KIF13A: variants seen among roughly 807,000 people sequenced by gnomAD.
KIF13A encodes the protein kinesin-like protein KIF13A.
Under a neutral mutation model 212.2 loss-of-function variants are expected in KIF13A, and 79 were observed. That is an observed-to-expected ratio of 0.37 (90% confidence interval 0.31 to 0.45). KIF13A has a LOEUF of 0.45. Ranked by LOEUF, KIF13A falls within the 20% of genes least tolerant of loss-of-function variation. The probability of loss-of-function intolerance (pLI) is 1.00; values close to 1 mark genes in which losing one functional copy is unlikely to be tolerated. For synonymous variants in KIF13A, 789 were observed against 808.6 expected (o/e 0.98, Z 0.41); for missense variants, 1,901 against 2,209.0 (o/e 0.86, Z 2.79).
chr6:17,863,774 A>C (rs550508058), intron 4 of KIF13A, among the ~76,000 whole-genome samples: 111 of 152,146 alleles, frequency 7.3e-4, no homozygotes, highest in Non-Finnish European at 6.8e-4. Context: ...GTTTATCCAA[A>C]AGACCGAAGG....
intron 28 of KIF13A, among the ~76,000 whole-genome samples, chr6:17,784,159 C>T (rs559561954): frequency 1.3e-5 from 2 of 152,264 alleles, no homozygotes; most frequent in Non-Finnish European, 2.9e-5. Context: ...GTGGCTCATG[C>T]CTGTAATCCC....
chr6:17,974,129 T>A (rs1780060347), intron 2 of KIF13A, among the ~76,000 whole-genome samples: 1 of 152,196 alleles, frequency 6.6e-6, no homozygotes, highest in African/African-American at 2.4e-5. Flanking sequence ...TCACCCAAGC[T>A]GGAGTGCAAT....
At chr6:17,803,926 GCGGA>G (rs1167594904) in intron 20 of KIF13A, among the ~76,000 whole-genome samples, 2 of 152,224 alleles carry the variant, frequency 1.3e-5, no homozygotes, top group African/African-American at 4.8e-5. Flanking sequence ...GCCGAGGCGG[GCGGA>G]TCACAAGGTC....
chr6:17,799,869 G>A lies in KIF13A; in HGVS notation c.2616+83C>T. 1.3e-6 allele frequency: 2 copies of A among 1,492,580 alleles called. No individual in the cohort carries two copies. The highest frequency in any genetic ancestry group is 1.8e-6 in the Non-Finnish European group (2 of 1,095,334). The allele number at this position is 1,492,580 out of a possible 1,614,324, so 92.5% of individuals were successfully genotyped here. On this transcript the variant is annotated intron_variant, in intron 21 of 38. Coordinates refer to ENST00000259711, the MANE Select transcript of KIF13A (RefSeq NM_022113.6). The surrounding 1 kb of genome is among the most constrained non-coding windows in gnomAD (Gnocchi z 4.4). The stretch of plus-strand genomic sequence containing the variant: ...AAATCCAACTTTTACTACCCTGGAT[G>A]AAAAACTCTCATAAGATTTTTTGTA...
rs1249745410 is a variant in KIF13A, at chr6:17,900,892, C to T, written c.147-2712G>A. Reference sequence around the variant, plus strand: ...AGGGGATCGAGACCATCCTGGTTAACACGGTGAAACCCCGCCTCTACTAAA... The same window carrying T: ...AGGGGATCGAGACCATCCTGGTTAATACGGTGAAACCCCGCCTCTACTAAA... On this transcript the variant is annotated intron_variant, in intron 2 of 38. Coordinates refer to ENST00000259711, the MANE Select transcript of KIF13A (RefSeq NM_022113.6). This position sits in a 1 kb window ranked among gnomAD's most constrained non-coding sequence, Gnocchi z 4.6. Among the ~76,000 whole-genome samples, 3 of 151,900 alleles carry T rather than the reference C, an allele frequency of 2.0e-5. No homozygotes were observed. Among genetic ancestry groups the T allele is most frequent in the Admixed American group, 2.0e-4 (3 of 15,248 alleles).
chr6:17,817,195 A>G lies in KIF13A; in HGVS notation c.1825T>C (p.Tyr609His), dbSNP rs754754776. Reference sequence around the variant, plus strand: ...AGGGCACTTCTCTTTTCTTCTAGGTATTGTTTCTCCAGGACCTGAACCACA... The same window carrying G: ...AGGGCACTTCTCTTTTCTTCTAGGTGTTGTTTCTCCAGGACCTGAACCACA... ...QNVVQVLEKQYLEEKRSALEE... is the reference protein window; with the variant it reads ...QNVVQVLEKQHLEEKRSALEE... Residue 609 changes from tyrosine to histidine, a missense_variant, in exon 17 of 39, where the codon TAC becomes CAC. Tyr to His is a moderately conservative substitution (Grantham distance 83). Transcript: ENST00000259711. 1.2e-6 allele frequency: 2 copies of G among 1,613,984 alleles called. No homozygotes were observed. The highest frequency in any genetic ancestry group is 2.2e-5 in the South Asian group (2 of 91,088).
In KIF13A at chr6:17,838,814, TTTTG is replaced by T. The variant is rs572873563; in HGVS notation, c.831-1235_831-1232del. On this transcript the variant is annotated intron_variant, in intron 9 of 38. Transcript: ENST00000259711. The surrounding 1 kb of genome is among the most constrained non-coding windows in gnomAD (Gnocchi z 4.2). ...AGGGGAGAGGATGACGAGCTTATTTTTTTGTTTGTTTGTTTTTTGAGATGGAATC... is the reference window on the plus strand; with the variant it reads ...AGGGGAGAGGATGACGAGCTTATTTTTTTGTTTGTTTTTTGAGATGGAATC... Among the ~76,000 whole-genome samples, 5 of 151,990 alleles carry T rather than the reference TTTTG, an allele frequency of 3.3e-5. No homozygotes were observed. Among genetic ancestry groups the T allele is most frequent in the Non-Finnish European group, 5.9e-5 (4 of 67,992 alleles).
chr6:17,779,627 C>T lies in KIF13A; in HGVS notation c.3904G>A (p.Gly1302Ser). The change falls in exon 32 of 39, where the codon GGT (glycine) becomes AGT (serine). Residue 1302 changes from glycine (G) to serine (S), a missense_variant. Transcript: ENST00000259711. ...TTGGATACTATTTCATAGGTTACAC[C>T]ACAGGAATAAAATATATTTTTCAGG... ...ISLKNIFYSC[G>S]VTYEIVSNIP... 6.6e-7 allele frequency: 1 copy of T among 1,514,366 alleles called. No individual in the cohort carries two copies. Among genetic ancestry groups the T allele is most frequent in the South Asian group, 1.2e-5 (1 of 86,660 alleles). The allele number at this position is 1,514,366 out of a possible 1,614,324, so 93.8% of individuals were successfully genotyped here. A position where few individuals can be genotyped will look rare whatever the true frequency, so the allele number is the denominator to read the frequency against.
At chr6:17,972,059 C>T (rs553942934) in intron 2 of KIF13A, among the ~76,000 whole-genome samples, 31 of 152,272 alleles carry the variant, frequency 2.0e-4, no homozygotes, top group Admixed American at 2.0e-3. Context: ...TTCAAGGCTT[C>T]AAAAAACTTA....
At chr6:17,792,456 A>G (rs977756960) in intron 25 of KIF13A, among the ~76,000 whole-genome samples, 4 of 152,200 alleles carry the variant, frequency 2.6e-5, no homozygotes, top group Non-Finnish European at 5.9e-5. Flanking sequence ...AGCCAAGATA[A>G]CCATTTAGTA....
rs1760928490 is a variant in KIF13A at position 17,785,027 on chromosome 6, T to C, written c.3488+488A>G. ...GGATATGTTATAATAAAAATGAGAA[T>C]GAGAATAAGCAGCAGCAGCTAGGAT... is the stretch of plus-strand genomic sequence containing the variant. On this transcript the variant is annotated intron_variant, in intron 28 of 38. Transcript: ENST00000259711. The surrounding 1 kb of genome is among the most constrained non-coding windows in gnomAD (Gnocchi z 5.8). Among the ~76,000 whole-genome samples, 1 of 152,134 alleles carries C rather than the reference T, an allele frequency of 6.6e-6. No individual in the cohort carries two copies. The highest frequency in any genetic ancestry group is 1.5e-5 in the Non-Finnish European group (1 of 68,030).
intron 16 of KIF13A, chr6:17,822,001 A>C: frequency 3.0e-6 from 4 of 1,340,288 alleles, no homozygotes; most frequent in Non-Finnish European, 2.0e-6. Flanking sequence ...GGGAAGCTCC[A>C]CTGGAACTGG....
At chr6:17,922,606 C>CT (rs1258864410) in intron 2 of KIF13A, among the ~76,000 whole-genome samples, 1 of 55,348 alleles carries the variant, frequency 1.8e-5, no homozygotes, top group Non-Finnish European at 3.7e-5. Context: ...AAATGAAAAA[C>CT]TTAAAAAAAA....
chr6:17,821,954 T>C (rs1294702499), intron 16 of KIF13A: 1 of 1,530,692 alleles, frequency 6.5e-7, no homozygotes, highest in Non-Finnish European at 8.7e-7. Context: ...CACCGGCACA[T>C]CAGCACTTGC....
chr6:17,916,727 A>G (rs1329840135), intron 2 of KIF13A, among the ~76,000 whole-genome samples: 2 of 152,228 alleles, frequency 1.3e-5, no homozygotes, highest in Admixed American at 6.5e-5. Flanking sequence ...GAGATTCACA[A>G]CAACAGGAAA....
intron 4 of KIF13A, among the ~76,000 whole-genome samples, chr6:17,857,968 A>C (rs1314047581): frequency 6.6e-6 from 1 of 151,978 alleles, no homozygotes; most frequent in Non-Finnish European, 1.5e-5. Flanking sequence ...AAAACAATAA[A>C]CCCCCAACAC....
chr6:17,804,558 T>A, intron 19 of KIF13A, 48 bp from the exon 20 acceptor site: 1 of 1,436,188 alleles, frequency 7.0e-7, no homozygotes, highest in African/African-American at 1.4e-5. Context: ...AAACATAACA[T>A]CAATTTAAAT....
At position 17,856,237 on chromosome 6, in the gene KIF13A, T is replaced by C; in HGVS notation, c.221-115A>G. On this transcript the variant is annotated intron_variant, in intron 4 of 38. Transcript: ENST00000259711. This position sits in a 1 kb window ranked among gnomAD's most constrained non-coding sequence, Gnocchi z 4.5. ...AAAATGTTAAAAGTGTAGTACCGAG[T>C]GCCCACTAAGTACAGGGCTGTGTAT... The C allele has an allele frequency of 2.9e-5, 20 of 701,738 alleles. No homozygotes were observed. In the South Asian group the frequency reaches 3.7e-4, roughly 13 times the overall value. 43.5% of individuals were successfully genotyped at this position (701,738 alleles called of 1,614,324 possible). A position where few individuals can be genotyped will look rare whatever the true frequency, so the allele number is the denominator to read the frequency against.
At chr6:17,973,946 G>A (rs1475608624) in intron 2 of KIF13A, among the ~76,000 whole-genome samples, 1 of 152,210 alleles carries the variant, frequency 6.6e-6, no homozygotes, top group Non-Finnish European at 1.5e-5. Context: ...ATCAGGTGAA[G>A]GATAGGCAAG....
Sources: gnomAD v4.1 joint callset for allele counts (sites outside exome capture counted in the v4.1 genomes callset) on GRCh38, gnomAD v4.1.1 for gene constraint, Gnocchi (gnomAD v3.1) non-coding constraint, MANE v1.5 for transcripts, NCBI Gene and HGNC (gene_info 2026-07-23, HGNC 2026-07-21) for gene names.